Variants in KLF12 observed in about 807,000 individuals in gnomAD.
KLF12 encodes the protein KLF transcription factor 12.
In KLF12, 9 loss-of-function variants were observed where a neutral mutation model predicts 37.8. That is an observed-to-expected ratio of 0.24 (90% CI 0.14 to 0.42). KLF12 has a LOEUF of 0.42. Ranked by LOEUF, KLF12 falls within the 10% of genes least tolerant of loss-of-function variation. KLF12 has a pLI of 1.00. For missense variants in KLF12, 411 were observed against 516.0 expected (o/e 0.80, Z 1.97); for synonymous variants, 208 against 202.1 (o/e 1.03, Z -0.25).
chr13:73,796,905 C>T (rs981905201), intron 5 of KLF12, among the ~76,000 whole-genome samples: 5 of 152,062 alleles, frequency 3.3e-5, no homozygotes, highest in African/African-American at 1.2e-4. Context: ...ATCTCAAAAA[C>T]ATTATGCAAT....
At chr13:73,829,840 T>C (rs1884057797) in intron 4 of KLF12, among the ~76,000 whole-genome samples, 1 of 152,238 alleles carries the variant, frequency 6.6e-6, no homozygotes, top group Admixed American at 6.5e-5. Context: ...ACGTTCTTCA[T>C]AATTATAAAT....
At chr13:74,291,969 G>A in the KLF12 span, among the ~76,000 whole-genome samples, 67 of 152,272 alleles carry the variant, frequency 4.4e-4, no homozygotes, top group African/African-American at 1.5e-3. Context: ...TTATTTTATA[G>A]TTTAAATAAA....
At chr13:73,840,788 G>A (rs1473282450) in intron 4 of KLF12, among the ~76,000 whole-genome samples, 1 of 151,974 alleles carries the variant, frequency 6.6e-6, no homozygotes, top group Non-Finnish European at 1.5e-5. Flanking sequence ...GTACAGCATT[G>A]CCTTGAGAAC....
chr13:74,001,636 T>C (rs1285840089), intron 1 of KLF12, among the ~76,000 whole-genome samples: 1 of 152,246 alleles, frequency 6.6e-6, no homozygotes, highest in African/African-American at 2.4e-5. Context: ...ATAAATCCTA[T>C]TCAAATGCAT....
chr13:74,024,751 T>C lies in KLF12; in HGVS notation c.-31-29698A>G, dbSNP rs544353031. On this transcript the variant is annotated intron_variant, in intron 1 of 7. Coordinates refer to ENST00000377669, the MANE Select transcript of KLF12 (RefSeq NM_007249.5). Reference sequence around the variant, plus strand: ...GTGGAAGCCACATTTTGTTTCTATATATGCAAATGCACTTGAGGGGGAAAA... The same window carrying C: ...GTGGAAGCCACATTTTGTTTCTATACATGCAAATGCACTTGAGGGGGAAAA... Among the ~76,000 whole-genome samples the C allele has an allele frequency of 3.9e-5, 6 of 152,310 alleles. No homozygotes were observed. The East Asian group carries it at 1.2e-3, about 29-fold the overall frequency.
At chr13:74,180,413 C>T in the KLF12 span, among the ~76,000 whole-genome samples, 1 of 152,144 alleles carries the variant, frequency 6.6e-6, no homozygotes, top group South Asian at 2.1e-4. Flanking sequence ...CTGTCTTTGC[C>T]AATGAAGTGA....
upstream of KLF12, among the ~76,000 whole-genome samples, chr13:74,136,681 T>C (rs1307082725): frequency 1.3e-5 from 2 of 151,290 alleles, no homozygotes; most frequent in Non-Finnish European, 2.9e-5. Flanking sequence ...AGGAGAGTGA[T>C]GAAAGATAGA....
intron 6 of KLF12, among the ~76,000 whole-genome samples, chr13:73,741,722 A>T (rs1486793307): frequency 1.3e-5 from 2 of 152,106 alleles, no homozygotes; most frequent in Non-Finnish European, 2.9e-5. Flanking sequence ...TTGTTTTTGG[A>T]GGTTGACTTT....
At chr13:73,992,639 C>T (rs1891999065) in intron 2 of KLF12, among the ~76,000 whole-genome samples, 1 of 152,094 alleles carries the variant, frequency 6.6e-6, no homozygotes, top group Non-Finnish European at 1.5e-5. Flanking sequence ...ATTTTGTCAC[C>T]ACTGGCAAAC....
intron 1 of KLF12, among the ~76,000 whole-genome samples, chr13:74,041,683 C>T (rs1022618132): frequency 3.8e-5 from 5 of 132,038 alleles, no homozygotes; most frequent in Admixed American, 2.4e-4. Flanking sequence ...TTCCCCAGAT[C>T]GCTGATTTAC....
intron 1 of KLF12, among the ~76,000 whole-genome samples, chr13:74,061,422 A>G (rs539645493): frequency 1.8e-4 from 28 of 152,334 alleles, no homozygotes; most frequent in African/African-American, 6.7e-4. Flanking sequence ...GAAAAATTTA[A>G]TATAAGCATA....
upstream of KLF12, among the ~76,000 whole-genome samples, chr13:74,134,841 G>T (rs2139047309): frequency 6.6e-6 from 1 of 151,858 alleles, no homozygotes; most frequent in Non-Finnish European, 1.5e-5. Context: ...ACCCCTCGCC[G>T]CACCCGCCCG....
chr13:73,963,899 C>T (rs990157011), intron 2 of KLF12, among the ~76,000 whole-genome samples: 10 of 152,146 alleles, frequency 6.6e-5, no homozygotes, highest in African/African-American at 2.4e-4. Flanking sequence ...AATGCAAACA[C>T]CCAAAAGAAC....
upstream of KLF12, among the ~76,000 whole-genome samples, chr13:74,138,914 T>A (rs1355003694): frequency 6.6e-6 from 1 of 152,190 alleles, no homozygotes; most frequent in Non-Finnish European, 1.5e-5. Flanking sequence ...TGCGATGATC[T>A]TCCTCTGTCT....
chr13:74,161,766 T>C, the KLF12 span, among the ~76,000 whole-genome samples: 1 of 152,172 alleles, frequency 6.6e-6, no homozygotes, highest in African/African-American at 2.4e-5. Flanking sequence ...TATTTAGCAA[T>C]TGAGTAGAGA....
At chr13:74,038,886 C>G (rs540417674) in intron 1 of KLF12, among the ~76,000 whole-genome samples, 5 of 151,636 alleles carry the variant, frequency 3.3e-5, no homozygotes, top group East Asian at 1.9e-4. Context: ...ACATGTAAAA[C>G]TTAGGGACGA....
At chr13:74,023,869 A>C (rs546059498) in intron 1 of KLF12, among the ~76,000 whole-genome samples, 19 of 152,284 alleles carry the variant, frequency 1.2e-4, no homozygotes, top group African/African-American at 4.6e-4. Flanking sequence ...GTAGCAGATT[A>C]AGCAAGTTTC....
chr13:74,025,111 T>G (rs996608386), intron 1 of KLF12, among the ~76,000 whole-genome samples: 1 of 152,170 alleles, frequency 6.6e-6, no homozygotes, highest in Non-Finnish European at 1.5e-5. Flanking sequence ...CTTTGGAAAT[T>G]TAAAGTGTCT....
the KLF12 span, among the ~76,000 whole-genome samples, chr13:74,298,380 G>A: frequency 1.3e-5 from 2 of 152,166 alleles, no homozygotes; most frequent in Non-Finnish European, 2.9e-5. Flanking sequence ...TGTTTGGTAG[G>A]TGAACTTTAG....
Sources: allele counts gnomAD v4.1 joint callset (sites outside exome capture counted in the v4.1 genomes callset), GRCh38; gene constraint gnomAD v4.1.1; transcripts MANE v1.5; gene names NCBI Gene and HGNC (gene_info 2026-07-23, HGNC 2026-07-21).